The following CADM2 variants were observed in gnomAD, a reference collection of about 807,000 sequenced individuals.
CADM2 encodes the protein cell adhesion molecule 2, also known as immunoglobulin superfamily member 4D.
In CADM2, 12 loss-of-function variants were observed where a neutral mutation model predicts 49.8. That is an observed-to-expected ratio of 0.24 (90% CI 0.15 to 0.39). The LOEUF (loss-of-function observed/expected upper bound fraction) is 0.39, where lower values mean the gene tolerates loss of function less well. Among genes scored for constraint, CADM2 ranks in the 10% least tolerant of loss-of-function variants. The pLI, the probability that CADM2 is intolerant of heterozygous loss-of-function variation, is 1.00. For missense variants in CADM2, 378 were observed against 492.3 expected (o/e 0.77, Z 2.20); for synonymous variants, 214 against 175.4 (o/e 1.22, Z -1.74).
chr3:85,264,126 A>G (rs1286825380), intron 1 of CADM2, among the ~76,000 whole-genome samples: 1 of 152,086 alleles, frequency 6.6e-6, no homozygotes, highest in African/African-American at 2.4e-5. Context: ...GCTTATAACC[A>G]TAGTTGGAAG....
intron 8 of CADM2, among the ~76,000 whole-genome samples, chr3:86,055,489 G>A (rs1199395445): frequency 1.7e-5 from 2 of 115,096 alleles, no homozygotes; most frequent in East Asian, 2.8e-4. Flanking sequence ...TGGTTTTAGA[G>A]GGATTCTTGC....
At chr3:85,006,818 C>T (rs1031830540) in intron 1 of CADM2, among the ~76,000 whole-genome samples, 2 of 151,942 alleles carry the variant, frequency 1.3e-5, no homozygotes, top group Non-Finnish European at 2.9e-5. Context: ...AAAAAATCAC[C>T]CATGCCTCTG....
intron 1 of CADM2, among the ~76,000 whole-genome samples, chr3:85,666,378 A>G (rs1257500020): frequency 6.6e-6 from 1 of 151,880 alleles, no homozygotes; most frequent in Non-Finnish European, 1.5e-5. Flanking sequence ...CAATATCTCT[A>G]TCAGATTTAG....
chr3:85,006,542 C>A (rs1448248226), intron 1 of CADM2, among the ~76,000 whole-genome samples: 1 of 152,118 alleles, frequency 6.6e-6, no homozygotes, highest in African/African-American at 2.4e-5. Flanking sequence ...GAATGCAATT[C>A]TTATACCTAG....
chr3:85,079,681 C>T (rs577319407), intron 1 of CADM2, among the ~76,000 whole-genome samples: 1 of 151,732 alleles, frequency 6.6e-6, no homozygotes, highest in South Asian at 2.1e-4. Flanking sequence ...AGTTTTCTCT[C>T]CACATTTGAT....
chr3:85,517,950 T>C (rs867523552), intron 1 of CADM2, among the ~76,000 whole-genome samples: 5 of 152,152 alleles, frequency 3.3e-5, no homozygotes, highest in Non-Finnish European at 5.9e-5. Flanking sequence ...CCTCTTTCAA[T>C]ACTTTCTTCT....
rs986401014 is a variant in CADM2, at chr3:85,563,004, TTGG to T, written c.62-163515_62-163513del. On this transcript the variant is annotated intron_variant, in intron 1 of 9. Transcript: ENST00000383699. ...TGATCACAGCACCATACTGTAACAT[TTGG>T]TGTCTATCTTCTTGGTCAGTTTATA... Among the ~76,000 whole-genome samples, 7 of 152,338 alleles carry T rather than the reference TTGG, an allele frequency of 4.6e-5. No individual in the cohort carries two copies. In the South Asian group the frequency reaches 6.2e-4, roughly 14 times the overall value.
At chr3:85,376,166 C>T (rs905808634) in intron 1 of CADM2, among the ~76,000 whole-genome samples, 5 of 151,562 alleles carry the variant, frequency 3.3e-5, no homozygotes, top group South Asian at 4.1e-4. Context: ...TAGGAGTACT[C>T]TTAAAAGGCA....
At chr3:85,407,146 G>T (rs2035421828) in intron 1 of CADM2, among the ~76,000 whole-genome samples, 1 of 152,188 alleles carries the variant, frequency 6.6e-6, no homozygotes, top group South Asian at 2.1e-4. Flanking sequence ...AGGCTGCAGT[G>T]AGCTGTGATC....
chr3:85,842,902 C>T (rs149252624), intron 3 of CADM2, among the ~76,000 whole-genome samples: 19 of 152,034 alleles, frequency 1.2e-4, no homozygotes, highest in South Asian at 4.2e-4. Flanking sequence ...GATTCCTATA[C>T]GTTAGAGAGC....
intron 8 of CADM2, among the ~76,000 whole-genome samples, chr3:85,974,325 C>T (rs1726517704): frequency 6.6e-6 from 1 of 151,606 alleles, no homozygotes; most frequent in Non-Finnish European, 1.5e-5. Flanking sequence ...CTATGTCTAG[C>T]TCTGTCAAGG....
At chr3:86,041,800 C>T (rs1735979655) in intron 8 of CADM2, among the ~76,000 whole-genome samples, 1 of 152,186 alleles carries the variant, frequency 6.6e-6, no homozygotes, top group African/African-American at 2.4e-5. Flanking sequence ...CCACACCACA[C>T]CTATTCCAAA....
intron 1 of CADM2, among the ~76,000 whole-genome samples, chr3:85,668,151 G>A (rs1016839283): frequency 4.6e-5 from 7 of 151,492 alleles, no homozygotes; most frequent in African/African-American, 1.7e-4. Context: ...ATGGTGGTGG[G>A]CAATGGTGGA....
At chr3:85,553,803 G>A (rs2061877452) in intron 1 of CADM2, among the ~76,000 whole-genome samples, 1 of 152,074 alleles carries the variant, frequency 6.6e-6, no homozygotes, top group Admixed American at 6.6e-5. Context: ...AAAGTATTAC[G>A]AAAAAGATTC....
At chr3:85,760,288 G>A (rs752912272) in intron 2 of CADM2, among the ~76,000 whole-genome samples, 45 of 151,536 alleles carry the variant, frequency 3.0e-4, no homozygotes, top group Non-Finnish European at 4.6e-4. Flanking sequence ...AACTTGCACA[G>A]CAAGTTACTC....
intron 5 of CADM2, among the ~76,000 whole-genome samples, chr3:85,904,690 G>A (rs1716554093): frequency 6.6e-6 from 1 of 152,148 alleles, no homozygotes; most frequent in African/African-American, 2.4e-5. Context: ...AGTCTGCAGA[G>A]CTACTTATTT....
intron 5 of CADM2, among the ~76,000 whole-genome samples, chr3:85,894,936 C>T (rs1304211581): frequency 6.6e-6 from 1 of 152,218 alleles, no homozygotes; most frequent in Non-Finnish European, 1.5e-5. Flanking sequence ...CAGAAGTTTG[C>T]TGCAGGGGCA....
chr3:85,414,226 G>T (rs1041109654), intron 1 of CADM2, among the ~76,000 whole-genome samples: 1 of 152,022 alleles, frequency 6.6e-6, no homozygotes, highest in Non-Finnish European at 1.5e-5. Context: ...TGTTCTTTAC[G>T]ATATCTCTTC....
chr3:85,255,733 T>A (rs2042870494), intron 1 of CADM2, among the ~76,000 whole-genome samples: 1 of 152,158 alleles, frequency 6.6e-6, no homozygotes, highest in African/African-American at 2.4e-5. Context: ...GATTTAGATT[T>A]AATTCTTCCT....
Sources: allele counts gnomAD v4.1 joint callset (sites outside exome capture counted in the v4.1 genomes callset), GRCh38; gene constraint gnomAD v4.1.1; transcripts MANE v1.5; gene names NCBI Gene and HGNC (gene_info 2026-07-23, HGNC 2026-07-21).